MAGI1: variants seen among roughly 807,000 people sequenced by gnomAD.
MAGI1 encodes membrane-associated guanylate kinase, WW and PDZ domain-containing protein 1.
A neutral mutation model predicts 139.9 loss-of-function variants in MAGI1; 58 were observed. The ratio of observed to expected loss-of-function variants is 0.41; its 90% CI spans 0.34 to 0.52. The LOEUF is 0.52. Ranked by LOEUF, MAGI1 falls within the 20% of genes least tolerant of loss-of-function variation. MAGI1 has a pLI of 0.12. For synonymous variants in MAGI1, 812 were observed against 737.9 expected (o/e 1.10, Z -1.63); for missense variants, 1,874 against 1,901.6 (o/e 0.99, Z 0.27).
rs915878729 is a variant in MAGI1 at position 65,890,146 on chromosome 3, C to T, written c.313+147850G>A. The stretch of plus-strand genomic sequence containing the variant: ...TTTGGGAGGCCGAGTGGACGGATCA[C>T]GAGGTCAGGAGATCGAGACCATCCT... On this transcript the variant is annotated intron_variant, in intron 1 of 22. Transcript: ENST00000402939. Among the ~76,000 whole-genome samples the T allele has an allele frequency of 1.6e-4, 25 of 152,024 alleles. 1 individual carries two copies. Among genetic ancestry groups the T allele is most frequent in the East Asian group, 1.9e-4 (1 of 5,158 alleles).
At chr3:65,557,009 T>C (rs924436823) in intron 2 of MAGI1, among the ~76,000 whole-genome samples, 4 of 152,170 alleles carry the variant, frequency 2.6e-5, no homozygotes, top group Non-Finnish European at 5.9e-5. Context: ...TCCACCTATT[T>C]ATTCTTTGTG....
intron 2 of MAGI1, among the ~76,000 whole-genome samples, chr3:65,548,795 T>C (rs1028143343): frequency 2.0e-5 from 3 of 152,036 alleles, no homozygotes; most frequent in African/African-American, 7.2e-5. Context: ...AGTACTGGGA[T>C]TACAGGTGTA....
intron 2 of MAGI1, among the ~76,000 whole-genome samples, chr3:65,514,179 A>G (rs976526028): frequency 1.3e-5 from 2 of 151,462 alleles, no homozygotes; most frequent in Admixed American, 6.6e-5. Flanking sequence ...AAAGATTTAA[A>G]CGTTAGACTT....
chr3:65,722,342 T>G (rs557771755), intron 1 of MAGI1, among the ~76,000 whole-genome samples: 2 of 152,020 alleles, frequency 1.3e-5, no homozygotes, highest in Non-Finnish European at 2.9e-5. Flanking sequence ...AAAATTACTT[T>G]GGGGACCAGG....
At chr3:65,573,593 AC>A (rs2081053359) in intron 2 of MAGI1, among the ~76,000 whole-genome samples, 1 of 152,076 alleles carries the variant, frequency 6.6e-6, no homozygotes, top group Admixed American at 6.6e-5. Flanking sequence ...AACTTCTTCA[AC>A]CTGATGAAAA....
intron 1 of MAGI1, among the ~76,000 whole-genome samples, chr3:65,955,917 T>G (rs1054961442): frequency 1.3e-5 from 2 of 151,982 alleles, no homozygotes; most frequent in African/African-American, 4.8e-5. Flanking sequence ...AAGCAAAACT[T>G]CTCTGTGTCA....
chr3:65,609,439 A>G (rs2082924122), intron 2 of MAGI1, among the ~76,000 whole-genome samples: 1 of 151,504 alleles, frequency 6.6e-6, no homozygotes, highest in Non-Finnish European at 1.5e-5. Flanking sequence ...CACCATGCCC[A>G]ATTAATTTTT....
At chr3:65,511,939 A>T (rs1201933062) in intron 2 of MAGI1, among the ~76,000 whole-genome samples, 15 of 129,974 alleles carry the variant, frequency 1.2e-4, no homozygotes, top group Admixed American at 1.1e-3. Context: ...AAAGAACAGA[A>T]ATTATAACAA....
chr3:65,670,537 G>C (rs1001469194), intron 1 of MAGI1, among the ~76,000 whole-genome samples: 1 of 152,000 alleles, frequency 6.6e-6, no homozygotes, highest in African/African-American at 2.4e-5. Flanking sequence ...CAATATGTCT[G>C]ACATAGCCAT....
chr3:65,812,884 A>G (rs2041366954), intron 1 of MAGI1, among the ~76,000 whole-genome samples: 1 of 150,978 alleles, frequency 6.6e-6, no homozygotes, highest in African/African-American at 2.4e-5. Flanking sequence ...TAATTTTTGT[A>G]TTTTTTAGCA....
chr3:65,371,379 C>T (rs1034623473), intron 18 of MAGI1, among the ~76,000 whole-genome samples: 1 of 152,180 alleles, frequency 6.6e-6, no homozygotes, highest in African/African-American at 2.4e-5. Flanking sequence ...TGTGCAATGG[C>T]ATTATGTTTA....
intron 1 of MAGI1, among the ~76,000 whole-genome samples, chr3:65,691,008 A>G (rs931828666): frequency 2.0e-5 from 3 of 152,072 alleles, no homozygotes; most frequent in Admixed American, 6.5e-5. Flanking sequence ...GTGCCTTAAG[A>G]AAAAAGAGGT....
At chr3:65,629,879 T>C (rs760261851) in intron 1 of MAGI1, among the ~76,000 whole-genome samples, 1 of 152,142 alleles carries the variant, frequency 6.6e-6, no homozygotes, top group Admixed American at 6.5e-5. Context: ...CACAACAATA[T>C]AAATGTACTT....
intron 1 of MAGI1, among the ~76,000 whole-genome samples, chr3:65,835,466 T>C (rs1271981798): frequency 1.3e-5 from 2 of 152,226 alleles, no homozygotes; most frequent in Non-Finnish European, 2.9e-5. Flanking sequence ...AGAGAAAATA[T>C]TCACTTTCAA....
intron 1 of MAGI1, among the ~76,000 whole-genome samples, chr3:65,950,082 AAAAAAAACAAAC>A (rs1363465713): frequency 0.1 from 8,310 of 79,730 alleles, 776 homozygotes; most frequent in Non-Finnish European, 0.16. Context: ...AAAAAACAAA[AAAAAAAACAAAC>A]AAAAAAAAAA....
At chr3:65,740,411 A>T in intron 1 of MAGI1, among the ~76,000 whole-genome samples, 1 of 152,154 alleles carries the variant, frequency 6.6e-6, no homozygotes, top group East Asian at 1.9e-4. Flanking sequence ...GAGCTTGCAA[A>T]GGTCATACAC....
chr3:65,497,025 G>A (rs539607038), intron 2 of MAGI1, among the ~76,000 whole-genome samples: 1 of 152,212 alleles, frequency 6.6e-6, no homozygotes, highest in African/African-American at 2.4e-5. Context: ...TGGGAAAAGG[G>A]AAAATCAAAA....
At chr3:65,703,709 A>G (rs1459342518) in intron 1 of MAGI1, among the ~76,000 whole-genome samples, 1 of 152,228 alleles carries the variant, frequency 6.6e-6, no homozygotes, top group East Asian at 1.9e-4. Context: ...CAGGCTTCCC[A>G]GTGTGCCCAG....
At chr3:65,805,595 C>G (rs1033444083) in intron 1 of MAGI1, among the ~76,000 whole-genome samples, 1 of 152,082 alleles carries the variant, frequency 6.6e-6, no homozygotes, top group Admixed American at 6.6e-5. Flanking sequence ...TGGGTATATA[C>G]CCAGAGGAAT....
Sources: gnomAD v4.1 joint callset for allele counts (sites outside exome capture counted in the v4.1 genomes callset) on GRCh38, gnomAD v4.1.1 for gene constraint, MANE v1.5 for transcripts, NCBI Gene and HGNC (gene_info 2026-07-23, HGNC 2026-07-21) for gene names.